SNX7: variants seen among roughly 807,000 people sequenced by gnomAD.
SNX7 encodes sorting nexin-7.
SNX7 carries 35 observed loss-of-function variants against 48.4 expected under a neutral mutation model. That is an observed-to-expected ratio of 0.72 (90% CI 0.55 to 0.96). SNX7 has a LOEUF of 0.96. SNX7 is among the 40% of genes least tolerant of loss of function. The pLI, the probability that SNX7 is intolerant of heterozygous loss-of-function variation, is 0.00. For synonymous variants in SNX7, 190 were observed against 190.2 expected (o/e 1.00, Z 0.01); for missense variants, 553 against 548.9 (o/e 1.01, Z -0.07).
chr1:98,707,223 A>G (rs1409702779), intron 7 of SNX7, among the ~76,000 whole-genome samples: 1 of 152,190 alleles, frequency 6.6e-6, no homozygotes, highest in South Asian at 2.1e-4. Flanking sequence ...CACCAGTAAG[A>G]TTAACTAAAC....
At chr1:98,743,331 C>T (rs975657224) in intron 8 of SNX7, among the ~76,000 whole-genome samples, 6 of 151,398 alleles carry the variant, frequency 4.0e-5, no homozygotes, top group African/African-American at 4.8e-5. Context: ...TTGATTAATA[C>T]AGCCCTAAAG....
chr1:98,677,894 A>G (rs1297200403), intron 1 of SNX7, among the ~76,000 whole-genome samples: 2 of 138,374 alleles, frequency 1.4e-5, no homozygotes, highest in African/African-American at 2.6e-5. Flanking sequence ...AAAAAAAAAA[A>G]GAAATAGAGG....
intron 1 of SNX7, among the ~76,000 whole-genome samples, chr1:98,667,838 T>C (rs758311180): frequency 6.6e-6 from 1 of 151,764 alleles, no homozygotes; most frequent in African/African-American, 2.4e-5. Context: ...TGCCCTAATA[T>C]GTATGTTCCC....
chr1:98,745,122 A>G (rs998746437), intron 8 of SNX7, among the ~76,000 whole-genome samples: 8 of 152,170 alleles, frequency 5.3e-5, no homozygotes, highest in Non-Finnish European at 8.8e-5. Flanking sequence ...TAGGAGAGTT[A>G]CCCAGATAGA....
At chr1:98,673,765 A>G (rs1650007198) in intron 1 of SNX7, among the ~76,000 whole-genome samples, 1 of 152,250 alleles carries the variant, frequency 6.6e-6, no homozygotes, top group Non-Finnish European at 1.5e-5. Flanking sequence ...CCTATACCAC[A>G]AATTTATTCA....
At chr1:98,665,976 T>C (rs1649517689) in intron 1 of SNX7, among the ~76,000 whole-genome samples, 1 of 152,194 alleles carries the variant, frequency 6.6e-6, no homozygotes, top group African/African-American at 2.4e-5. Context: ...TATTTTTTTC[T>C]TTGTCAATTT....
intron 8 of SNX7, among the ~76,000 whole-genome samples, chr1:98,751,919 GA>G (rs1259855310): frequency 1.3e-5 from 2 of 152,098 alleles, no homozygotes; most frequent in Non-Finnish European, 2.9e-5. Flanking sequence ...TCCAAAGCTA[GA>G]ATGAGCTAAC....
At chr1:98,689,503 A>G (rs947507199) in intron 2 of SNX7, among the ~76,000 whole-genome samples, 2 of 152,120 alleles carry the variant, frequency 1.3e-5, no homozygotes, top group African/African-American at 2.4e-5. Flanking sequence ...ACTTGATTTT[A>G]TATCTTCTTA....
At chr1:98,695,493 G>T in intron 4 of SNX7, 25 bp from the exon 5 acceptor site, 1 of 1,605,882 alleles carries the variant, frequency 6.2e-7, no homozygotes, top group South Asian at 1.1e-5. Context: ...TGTTTCACTA[G>T]AAATACTTGG....
At chr1:98,676,302 T>G (rs960766144) in intron 1 of SNX7, among the ~76,000 whole-genome samples, 1 of 152,188 alleles carries the variant, frequency 6.6e-6, no homozygotes, top group Non-Finnish European at 1.5e-5. Context: ...ATAGAATTCA[T>G]TATACCCTCC....
intron 1 of SNX7, chr1:98,662,956 C>G: frequency 1.4e-6 from 1 of 726,366 alleles, no homozygotes; most frequent in Non-Finnish European, 1.9e-6. Flanking sequence ...ATGATAGGCC[C>G]AGGTTTGTAT....
intron 7 of SNX7, among the ~76,000 whole-genome samples, chr1:98,726,840 C>T (rs892274466): frequency 3.3e-5 from 5 of 152,138 alleles, no homozygotes; most frequent in African/African-American, 1.2e-4. Context: ...AGAGGCAGGA[C>T]CTTCCCTCTC....
At chr1:98,688,349 A>C (rs190172528) in intron 2 of SNX7, among the ~76,000 whole-genome samples, 259 of 152,308 alleles carry the variant, frequency 1.7e-3, no homozygotes, top group Non-Finnish European at 2.8e-3. Context: ...TGTCTAGGTT[A>C]GCATATTTTA....
intron 7 of SNX7, among the ~76,000 whole-genome samples, chr1:98,734,166 A>G (rs1350556705): frequency 1.3e-5 from 2 of 152,094 alleles, no homozygotes; most frequent in Non-Finnish European, 2.9e-5. Context: ...GTCACTGCCT[A>G]GTGAATTAAA....
chr1:98,748,136 C>T (rs546154556), intron 8 of SNX7, among the ~76,000 whole-genome samples: 63 of 152,004 alleles, frequency 4.1e-4, no homozygotes, highest in African/African-American at 1.5e-3. Flanking sequence ...AGGCACCTGC[C>T]ACCATGCCTG....
intron 7 of SNX7, among the ~76,000 whole-genome samples, chr1:98,727,289 G>A (rs1653229236): frequency 6.6e-6 from 1 of 152,076 alleles, no homozygotes; most frequent in Non-Finnish European, 1.5e-5. Flanking sequence ...TAGAAGAGAG[G>A]CCTGACTGTT....
rs1241403307 is a variant in SNX7, at chr1:98,691,935, A to ACT, written c.639+237_639+238insTC. Among the ~76,000 whole-genome samples the ACT allele has an allele frequency of 1.2e-3, 106 of 87,376 alleles. 1 individual carries two copies. Among genetic ancestry groups the ACT allele is most frequent in the Middle Eastern group, 0.013 (2 of 154 alleles). 57.3% of individuals were successfully genotyped at this position (87,376 alleles called of 152,430 possible). A position where few individuals can be genotyped will look rare whatever the true frequency, so the allele number is the denominator to read the frequency against. ...TATATACACACACACACACACACAC[A>ACT]CACTCTCTCTCTCTCTCTCTCTCTC... On this transcript the variant is annotated intron_variant, in intron 4 of 8. Coordinates refer to ENST00000306121, the MANE Select transcript of SNX7 (RefSeq NM_015976.5).
chr1:98,751,960 A>G lies in SNX7; in HGVS notation c.1279-8094A>G, dbSNP rs76563949. 4.7e-4 allele frequency among the ~76,000 whole-genome samples: 71 copies of G among 152,260 alleles called. 1 individual carries two copies. The East Asian group carries it at 0.012, about 26-fold the overall frequency. ...ACTATTAAATGTCAGGCCAGCAGTGATGCTGGATATTTTTTATTACTACTC... is the reference window on the plus strand; with the variant it reads ...ACTATTAAATGTCAGGCCAGCAGTGGTGCTGGATATTTTTTATTACTACTC... On this transcript the variant is annotated intron_variant, in intron 8 of 8. Transcript: ENST00000306121.
intron 1 of SNX7, among the ~76,000 whole-genome samples, chr1:98,672,930 C>CAAAAAAAA (rs57705068): frequency 1.1e-4 from 10 of 88,518 alleles, no homozygotes; most frequent in South Asian, 4.8e-4. Context: ...GACTCCGTCT[C>CAAAAAAAA]AAAAAAAAAA....
Sources: allele counts gnomAD v4.1 joint callset (sites outside exome capture counted in the v4.1 genomes callset), GRCh38; gene constraint gnomAD v4.1.1; transcripts MANE v1.5; gene names NCBI Gene and HGNC (gene_info 2026-07-23, HGNC 2026-07-21).